Variants in R3HDM2 observed in about 807,000 individuals in gnomAD.
R3HDM2 encodes R3H domain-containing protein 2.
Under a neutral mutation model 124.5 loss-of-function variants are expected in R3HDM2, and 38 were observed. The observed-to-expected ratio is 0.31, with a 90% CI of 0.24 to 0.40. R3HDM2 has a LOEUF of 0.40. Ranked by LOEUF, R3HDM2 falls within the 10% of genes least tolerant of loss-of-function variation. The pLI is 1.00. For synonymous variants in R3HDM2, 391 were observed against 448.0 expected (o/e 0.87, Z 1.61); for missense variants, 869 against 1,236.9 (o/e 0.70, Z 4.46).
At chr12:57,417,240 C>T (rs2069721057) in intron 1 of R3HDM2, among the ~76,000 whole-genome samples, 1 of 151,970 alleles carries the variant, frequency 6.6e-6, no homozygotes, top group African/African-American at 2.4e-5. Context: ...CCCATCTCTA[C>T]TAAAAATACA....
chr12:57,350,827 G>A (rs1002380742), intron 2 of R3HDM2, among the ~76,000 whole-genome samples: 7 of 152,006 alleles, frequency 4.6e-5, no homozygotes, highest in Non-Finnish European at 8.8e-5. Flanking sequence ...TTGGCCAGGT[G>A]CAGTGGTTCA....
chr12:57,324,196 CTTTT>C (rs1335720591), intron 2 of R3HDM2, among the ~76,000 whole-genome samples: 4 of 152,064 alleles, frequency 2.6e-5, no homozygotes, highest in Admixed American at 2.0e-4. Flanking sequence ...ATCTTTCTTT[CTTTT>C]GAGATGGAGT....
At chr12:57,258,328 T>C (rs2039696468) in intron 20 of R3HDM2, among the ~76,000 whole-genome samples, 191 bp from the exon 21 acceptor site, 1 of 150,808 alleles carries the variant, frequency 6.6e-6, no homozygotes, top group South Asian at 2.1e-4. Context: ...ATTTATTTAT[T>C]TATTTATTTA....
At chr12:57,424,408 C>T (rs570793358) in intron 1 of R3HDM2, among the ~76,000 whole-genome samples, 48 of 152,090 alleles carry the variant, frequency 3.2e-4, no homozygotes, top group Non-Finnish European at 5.3e-4. Flanking sequence ...GTGACCCACC[C>T]GCCTCAGCCT....
intron 2 of R3HDM2, among the ~76,000 whole-genome samples, chr12:57,395,414 G>T (rs2067352118): frequency 6.6e-6 from 1 of 152,028 alleles, no homozygotes; most frequent in Non-Finnish European, 1.5e-5. Flanking sequence ...TGAGGCGGGA[G>T]AATCGCTTGA....
chr12:57,345,705 A>G (rs1279943462), intron 2 of R3HDM2, among the ~76,000 whole-genome samples: 1 of 151,896 alleles, frequency 6.6e-6, no homozygotes, highest in African/African-American at 2.4e-5. Context: ...CATGCCCCCT[A>G]ATCTATATTT....
chr12:57,289,663 G>C (rs189207394), intron 11 of R3HDM2, among the ~76,000 whole-genome samples: 42 of 152,318 alleles, frequency 2.8e-4, no homozygotes, highest in Admixed American at 2.1e-3. Flanking sequence ...GAGCATTGTG[G>C]TGGATTCCCA....
At chr12:57,409,514 AAAAAAAAAAAAGAAAAAG>A (rs903440690) in intron 1 of R3HDM2, among the ~76,000 whole-genome samples, 4 of 147,308 alleles carry the variant, frequency 2.7e-5, no homozygotes, top group African/African-American at 7.3e-5. Context: ...AGGTGGGGCA[AAAAAAAAAAAAGAAAAAG>A]AAAAAAAAAA....
intron 3 of R3HDM2, among the ~76,000 whole-genome samples, chr12:57,304,865 T>C (rs1427578805): frequency 6.6e-6 from 1 of 152,212 alleles, no homozygotes; most frequent in African/African-American, 2.4e-5. Context: ...GCTTAGTGTA[T>C]GTGTATACAA....
rs149961325 is a variant in R3HDM2, at chr12:57,294,627, C to T, written c.810+772G>A. Among the ~76,000 whole-genome samples, 324 of 152,234 alleles carry T rather than the reference C, an allele frequency of 2.1e-3. 9 individuals are homozygous for T. The East Asian group carries it at 0.05, about 23-fold the overall frequency. ...CAAGATTAATGTAGGCTCTACTCAA[C>T]CACGCTCTTCAAATCGAATCCCTTT... On this transcript the variant is annotated intron_variant, in intron 10 of 23. Transcript: ENST00000402412.
chr12:57,377,378 C>T (rs1371825929), intron 2 of R3HDM2, among the ~76,000 whole-genome samples: 2 of 152,092 alleles, frequency 1.3e-5, no homozygotes, highest in African/African-American at 4.8e-5. Context: ...AGCGTCATCA[C>T]AGCCTGAATT....
intron 15 of R3HDM2, 34 bp from the exon 16 acceptor site, chr12:57,269,483 C>G: frequency 6.2e-7 from 1 of 1,607,598 alleles, no homozygotes; most frequent in Non-Finnish European, 8.5e-7. Context: ...GTGAGAAGTC[C>G]CTAAAATTCA....
chr12:57,424,855 C>A (rs377284646), intron 1 of R3HDM2, among the ~76,000 whole-genome samples: 15 of 152,268 alleles, frequency 9.9e-5, no homozygotes, highest in African/African-American at 3.6e-4. Flanking sequence ...AGGTATGAAC[C>A]ACCAAGCCAA....
chr12:57,313,807 G>T (rs760373902), intron 2 of R3HDM2, among the ~76,000 whole-genome samples: 4 of 127,836 alleles, frequency 3.1e-5, no homozygotes, highest in Non-Finnish European at 6.4e-5. Context: ...CTTGAGCCCA[G>T]AAGTTCAAGG....
chr12:57,349,566 GT>G (rs1473563493), intron 2 of R3HDM2, among the ~76,000 whole-genome samples: 68 of 140,732 alleles, frequency 4.8e-4, no homozygotes, highest in Admixed American at 6.4e-4. Context: ...TTTTTTGGTT[GT>G]TTTTTTTTTT....
intron 4 of R3HDM2, among the ~76,000 whole-genome samples, chr12:57,301,142 AAG>A (rs1429272677): frequency 6.6e-6 from 1 of 152,072 alleles, no homozygotes; most frequent in African/African-American, 2.4e-5. Context: ...AAATAAAAAA[AAG>A]AGAGACAGAT....
chr12:57,426,163 G>A (rs966358237), intron 1 of R3HDM2, among the ~76,000 whole-genome samples: 8 of 152,168 alleles, frequency 5.3e-5, no homozygotes, highest in African/African-American at 1.9e-4. Context: ...AGGAGGCAGA[G>A]GTTGCAGTGA....
intron 18 of R3HDM2, 173 bp from the exon 19 acceptor site, chr12:57,267,004 T>G: frequency 1.9e-6 from 1 of 535,924 alleles, no homozygotes; most frequent in Non-Finnish European, 3.4e-6. Context: ...CAAAGTTAAT[T>G]ATATGTATTT....
At chr12:57,408,716 T>C (rs1047149995) in intron 1 of R3HDM2, among the ~76,000 whole-genome samples, 7 of 152,138 alleles carry the variant, frequency 4.6e-5, no homozygotes, top group Non-Finnish European at 2.9e-5. Flanking sequence ...AAATGTTTCA[T>C]AAAAGAGCAA....
Sources: gnomAD v4.1 joint callset for allele counts (sites outside exome capture counted in the v4.1 genomes callset) on GRCh38, gnomAD v4.1.1 for gene constraint, MANE v1.5 for transcripts, NCBI Gene and HGNC (gene_info 2026-07-23, HGNC 2026-07-21) for gene names.